Variants in RORA observed in about 807,000 individuals in gnomAD.
RORA encodes the protein nuclear receptor ROR-alpha.
Under a neutral mutation model 69.5 loss-of-function variants are expected in RORA, and 7 were observed. The ratio of observed to expected loss-of-function variants is 0.10; its 90% CI spans 0.06 to 0.19. The LOEUF is 0.19. Among genes scored for constraint, RORA ranks in the 10% least tolerant of loss-of-function variants. The pLI, the probability that RORA is intolerant of heterozygous loss-of-function variation, is 1.00. For synonymous variants in RORA, 261 were observed against 240.8 expected, an observed-to-expected ratio of 1.08 and a Z score of -0.78; for missense variants, 457 against 663.0, an observed-to-expected ratio of 0.69 and a Z score of 3.41.
chr15:60,774,180 T>C (rs897816453), intron 1 of RORA, among the ~76,000 whole-genome samples: 1 of 152,236 alleles, frequency 6.6e-6, no homozygotes, highest in Non-Finnish European at 1.5e-5. Context: ...GGCAGTTCCC[T>C]GCTTTCTACC....
At chr15:61,062,921 G>C (rs1385975112) in intron 1 of RORA, among the ~76,000 whole-genome samples, 1 of 150,982 alleles carries the variant, frequency 6.6e-6, no homozygotes, top group East Asian at 1.9e-4. Context: ...TTCTATATTT[G>C]TTTTTTTTTC....
chr15:61,056,934 T>C (rs2078104880), intron 1 of RORA, among the ~76,000 whole-genome samples: 1 of 152,268 alleles, frequency 6.6e-6, no homozygotes, highest in African/African-American at 2.4e-5. Flanking sequence ...TCCTGACTTT[T>C]GTCAGCTGTA....
chr15:60,592,517 T>C (rs2068560468), intron 2 of RORA: 1 of 1,295,536 alleles, frequency 7.7e-7, no homozygotes, highest in East Asian at 3.3e-5. Flanking sequence ...CAGCAGCAGC[T>C]GCCGCAGCTG....
chr15:60,503,715 T>G, intron 6 of RORA, 48 bp from the exon 7 acceptor site: 3 of 1,605,288 alleles, frequency 1.9e-6, no homozygotes, highest in Non-Finnish European at 2.5e-6. Context: ...GATGTTAGCT[T>G]TTGTAGCAGA....
chr15:60,584,807 GA>G (rs553357229), intron 2 of RORA, among the ~76,000 whole-genome samples: 1 of 151,730 alleles, frequency 6.6e-6, no homozygotes, highest in Non-Finnish European at 1.5e-5. Context: ...CTCATGTGGT[GA>G]AAAAAAATCA....
At chr15:60,827,721 C>A (rs1308743637) in intron 1 of RORA, among the ~76,000 whole-genome samples, 1 of 152,120 alleles carries the variant, frequency 6.6e-6, no homozygotes, top group Non-Finnish European at 1.5e-5. Context: ...CTGTGCGGGT[C>A]CCTGGGAAGA....
At chr15:60,873,186 T>C (rs1414141768) in intron 1 of RORA, among the ~76,000 whole-genome samples, 1 of 151,948 alleles carries the variant, frequency 6.6e-6, no homozygotes, top group African/African-American at 2.4e-5. Flanking sequence ...CCCTAACACA[T>C]CCTCCACACC....
chr15:61,057,672 G>A (rs543211784), intron 1 of RORA, among the ~76,000 whole-genome samples: 80 of 152,050 alleles, frequency 5.3e-4, no homozygotes, highest in African/African-American at 1.7e-3. Flanking sequence ...TGTCTCTTTC[G>A]TTTCTCCTCA....
chr15:60,763,065 ATTTT>A (rs374433414), intron 1 of RORA, among the ~76,000 whole-genome samples: 867 of 48,376 alleles, frequency 0.018, 13 homozygotes, highest in African/African-American at 0.046. Flanking sequence ...ATATGCACAG[ATTTT>A]TTTTTTTTTT....
At chr15:60,806,530 G>C (rs375685003) in intron 1 of RORA, among the ~76,000 whole-genome samples, 3 of 152,200 alleles carry the variant, frequency 2.0e-5, no homozygotes, top group Non-Finnish European at 2.9e-5. Context: ...CTCCCAGGGA[G>C]TTGCAGTGGT....
chr15:60,962,228 C>T (rs917504310), intron 1 of RORA, among the ~76,000 whole-genome samples: 3 of 152,212 alleles, frequency 2.0e-5, no homozygotes, highest in Admixed American at 1.3e-4. Flanking sequence ...CATTTCCTGT[C>T]CTGACTAGAA....
chr15:60,618,526 A>G (rs191515834), intron 2 of RORA, among the ~76,000 whole-genome samples: 75 of 152,338 alleles, frequency 4.9e-4, no homozygotes, highest in African/African-American at 1.7e-3. Flanking sequence ...ACTTTATGTT[A>G]TAGTTGCCCC....
intron 1 of RORA, among the ~76,000 whole-genome samples, chr15:61,040,113 GATATATATAT>G (rs60830259): frequency 0.015 from 681 of 46,260 alleles, 9 homozygotes; most frequent in African/African-American, 0.031. Flanking sequence ...CACAAGCTTT[GATATATATAT>G]ATATATATAT....
rs566393987 is a variant in RORA, at chr15:60,574,215, G to A, written c.197-42364C>T. On this transcript the variant is annotated intron_variant, in intron 2 of 10. Transcript: ENST00000335670. ...TGTGATCCTAGACAGGTTGCTCTGC[G>A]TCTCTGAGTCTCCGCTTCCTCCTCT... Among the ~76,000 whole-genome samples the A allele has an allele frequency of 3.3e-5, 5 of 152,274 alleles. No homozygotes were observed. In the South Asian group the frequency reaches 6.2e-4, roughly 19 times the overall value.
intron 1 of RORA, among the ~76,000 whole-genome samples, chr15:60,934,875 C>T (rs566638762): frequency 6.6e-6 from 1 of 152,370 alleles, no homozygotes; most frequent in South Asian, 2.1e-4. Context: ...CACACATCCA[C>T]CTATGCCATT....
intron 1 of RORA, among the ~76,000 whole-genome samples, chr15:61,086,129 C>A (rs949021742): frequency 2.6e-5 from 4 of 152,200 alleles, no homozygotes; most frequent in African/African-American, 9.6e-5. Context: ...CCTTGTTCCC[C>A]GCTCTATAAT....
chr15:60,578,697 A>C (rs1213993925), intron 2 of RORA, among the ~76,000 whole-genome samples: 4 of 152,008 alleles, frequency 2.6e-5, no homozygotes, highest in Non-Finnish European at 5.9e-5. Flanking sequence ...AAAGGTATGG[A>C]CTTGAGGGTC....
intron 1 of RORA, among the ~76,000 whole-genome samples, chr15:60,947,664 C>T (rs1048650787): frequency 2.7e-5 from 3 of 109,396 alleles, no homozygotes; most frequent in African/African-American, 3.9e-5. Flanking sequence ...TCCCCCTCTT[C>T]GAGAAACACC....
intron 3 of RORA, among the ~76,000 whole-genome samples, chr15:60,516,270 T>TATATATTTATATA (rs1407442224): frequency 8.7e-5 from 9 of 103,836 alleles, no homozygotes; most frequent in East Asian, 2.4e-4. Context: ...TATTTATATA[T>TATATATTTATATA]TTTTTTTGGT....
Sources: gnomAD v4.1 joint callset for allele counts (sites outside exome capture counted in the v4.1 genomes callset) on GRCh38, gnomAD v4.1.1 for gene constraint, MANE v1.5 for transcripts, NCBI Gene and HGNC (gene_info 2026-07-23, HGNC 2026-07-21) for gene names.